TBL1X: variants seen among roughly 807,000 people sequenced by gnomAD.
TBL1X encodes the protein transducin beta like 1 X-linked, also known as F-box-like/WD repeat-containing protein TBL1X.
A neutral mutation model predicts 50.7 loss-of-function variants in TBL1X; 10 were observed. The observed-to-expected ratio is 0.20, with a 90% confidence interval of 0.12 to 0.33. The LOEUF is 0.33. TBL1X is among the 10% of genes least tolerant of loss of function. The pLI, the probability that TBL1X is intolerant of heterozygous loss-of-function variation, is 1.00. For missense variants in TBL1X, 340 were observed against 504.4 expected (o/e 0.67, Z 3.12); for synonymous variants, 190 against 214.7 (o/e 0.88, Z 1.01).
chrX:9,624,433 A>G (rs1490607617), intron 2 of TBL1X, among the ~76,000 whole-genome samples: 1 of 112,076 alleles, frequency 8.9e-6, no homozygotes, highest in Non-Finnish European at 1.9e-5. Context: ...ACTTCTTAAT[A>G]TACACACCCA....
chrX:9,668,379 A>G (rs1449293947), intron 5 of TBL1X, among the ~76,000 whole-genome samples: 1 of 108,722 alleles, frequency 9.2e-6, no homozygotes, highest in Non-Finnish European at 1.9e-5. Flanking sequence ...ATAGGAAAAA[A>G]AAAAAAAAAC....
chrX:9,686,707 AAG>A (rs764288299), intron 6 of TBL1X, among the ~76,000 whole-genome samples: 40 of 112,340 alleles, frequency 3.6e-4, no homozygotes, highest in South Asian at 7.4e-4. Flanking sequence ...CTAAGGAAAA[AAG>A]AGAGACAGTG....
chrX:9,486,699 C>T (rs1206764146), intron 1 of TBL1X, among the ~76,000 whole-genome samples: 3 of 109,306 alleles, frequency 2.7e-5, no homozygotes, highest in African/African-American at 6.7e-5. Flanking sequence ...TGTATAAAAC[C>T]AAGCTATGCC....
intron 13 of TBL1X, among the ~76,000 whole-genome samples, chrX:9,708,100 T>C (rs964792271): frequency 2.7e-5 from 3 of 112,044 alleles, no homozygotes; most frequent in African/African-American, 6.5e-5. Context: ...TAGTCACCCC[T>C]GAGGGAGCCC....
At chrX:9,567,245 C>T (rs947855276) in intron 2 of TBL1X, among the ~76,000 whole-genome samples, 1 of 111,696 alleles carries the variant, frequency 9.0e-6, no homozygotes, top group Non-Finnish European at 1.9e-5. Flanking sequence ...ACCTCAGTTC[C>T]TGATGGCCCA....
chrX:9,541,633 A>C (rs889174735), intron 2 of TBL1X, among the ~76,000 whole-genome samples: 4 of 112,724 alleles, frequency 3.5e-5, no homozygotes, highest in African/African-American at 1.3e-4. Context: ...TTTCTGTTCT[A>C]GTGTTGGTAG....
chrX:9,574,685 T>G (rs1315199465), intron 2 of TBL1X, among the ~76,000 whole-genome samples: 1 of 110,423 alleles, frequency 9.1e-6, no homozygotes. Flanking sequence ...CTGTGGATAC[T>G]GGGAAAGCAC....
rs187681716 is a variant in TBL1X at position 9,593,981 on chromosome X, C to T, written c.-130-46292C>T. 3.0e-4 allele frequency among the ~76,000 whole-genome samples: 34 copies of T among 112,326 alleles called. No homozygotes were observed. The East Asian group carries it at 7.6e-3, about 25-fold the overall frequency. On this transcript the variant is annotated intron_variant, in intron 2 of 17. Coordinates refer to ENST00000645353, the MANE Select transcript of TBL1X (RefSeq NM_005647.4). ...TCTGGGGATTTCCCACCAGCCCTTG[C>T]GCTGCACTGGTGATGCCCGATGTAG...
chrX:9,602,772 A>G (rs1360451662), intron 2 of TBL1X, among the ~76,000 whole-genome samples: 1 of 112,480 alleles, frequency 8.9e-6, no homozygotes, highest in Non-Finnish European at 1.9e-5. Context: ...GATATGTGCT[A>G]TTTAATAAAT....
rs58522206 is a variant in TBL1X at position 9,518,098 on chromosome X, CAAA to C, written c.-131+16265_-131+16267del. ...TGGGCAACAGAGCCAGATCCTCTCT[CAAA>C]AAAAAAAAAAAAAAAGAAAAGAAAA... On this transcript the variant is annotated intron_variant, in intron 2 of 17. Transcript: ENST00000645353. Among the ~76,000 whole-genome samples the C allele has an allele frequency of 4.3e-3, 296 of 68,225 alleles. 1 individual carries two copies. Among genetic ancestry groups the C allele is most frequent in the African/African-American group, 0.014 (250 of 17,419 alleles). The allele number at this position is 68,225 out of a possible 115,157, so 59.2% of individuals were successfully genotyped here. A position where few individuals can be genotyped will look rare whatever the true frequency, so the allele number is the denominator to read the frequency against.
intron 2 of TBL1X, among the ~76,000 whole-genome samples, chrX:9,544,996 CCCA>C (rs1382047259): frequency 9.5e-6 from 1 of 105,309 alleles, no homozygotes; most frequent in Non-Finnish European, 1.9e-5. Context: ...TTATTTTCCC[CCCA>C]CTTTTTTTTT....
chrX:9,661,378 A>G (rs2082897497), intron 5 of TBL1X, among the ~76,000 whole-genome samples: 2 of 111,755 alleles, frequency 1.8e-5, no homozygotes, highest in Non-Finnish European at 3.8e-5. Flanking sequence ...TACAAAAATT[A>G]GCCGGGTGTG....
Position 9,503,856 on chromosome X carries a change from C to T in TBL1X, c.-131+2007C>T, listed in dbSNP as rs181568639. Among the ~76,000 whole-genome samples the T allele has an allele frequency of 1.2e-4, 13 of 112,828 alleles. No homozygotes were observed. The East Asian group carries it at 3.1e-3, about 27-fold the overall frequency. ...TGCTGACCAGCAGATTTAGCTTTTC[C>T]TCCTGGTAGTTCCAAGGAATCTGGA... On this transcript the variant is annotated intron_variant, in intron 2 of 17. Coordinates refer to ENST00000645353, the MANE Select transcript of TBL1X (RefSeq NM_005647.4).
chrX:9,697,225 C>G (rs1157787872), intron 11 of TBL1X, 144 bp from the exon 12 acceptor site: 2 of 689,822 alleles, frequency 2.9e-6, no homozygotes, highest in Admixed American at 7.5e-5. Flanking sequence ...AAAATTGAAA[C>G]TAGCCCATAA....
At chrX:9,528,028 A>C (rs2082141283) in intron 2 of TBL1X, among the ~76,000 whole-genome samples, 1 of 110,597 alleles carries the variant, frequency 9.0e-6, no homozygotes, top group Admixed American at 9.6e-5. Context: ...CAAGCATTCC[A>C]CCCACTCCTG....
rs780408952 is a variant in TBL1X, at chrX:9,568,671, T to G, written c.-131+66822T>G. On this transcript the variant is annotated intron_variant, in intron 2 of 17. Coordinates refer to ENST00000645353, the MANE Select transcript of TBL1X (RefSeq NM_005647.4). ...CTATGTGTATGTCGTGTCTGTGCAG[T>G]GTGCTGTGTGTGTGTCTGATGTGCT... 3.7e-5 allele frequency among the ~76,000 whole-genome samples: 4 copies of G among 107,669 alleles called. No homozygotes were observed. In the East Asian group the frequency reaches 1.2e-3, roughly 32 times the overall value. The allele number at this position is 107,669 out of a possible 115,157, so 93.5% of individuals were successfully genotyped here.
intron 1 of TBL1X, among the ~76,000 whole-genome samples, chrX:9,466,856 A>C (rs752861505): frequency 8.9e-6 from 1 of 112,565 alleles, no homozygotes; most frequent in South Asian, 3.7e-4. Context: ...GAAAGCCACC[A>C]AGCTGGGTAA....
At chrX:9,645,480 G>A (rs967401329) in intron 3 of TBL1X, 5 of 112,011 alleles carry the variant, frequency 4.5e-5, no homozygotes, top group African/African-American at 1.6e-4. Context: ...CCCTGTCATG[G>A]ACATTGCCCC....
At chrX:9,499,837 G>C (rs982468246) in intron 1 of TBL1X, among the ~76,000 whole-genome samples, 5 of 110,198 alleles carry the variant, frequency 4.5e-5, no homozygotes, top group African/African-American at 1.7e-4. Context: ...TTAGCCGGAC[G>C]TGGTGGCAGG....
Sources: gnomAD v4.1 joint callset for allele counts (sites outside exome capture counted in the v4.1 genomes callset) on GRCh38, gnomAD v4.1.1 for gene constraint, MANE v1.5 for transcripts, NCBI Gene and HGNC (gene_info 2026-07-23, HGNC 2026-07-21) for gene names.